GALC: variants seen among roughly 807,000 people sequenced by gnomAD.
GALC encodes the protein galactocerebrosidase.
A neutral mutation model predicts 91.8 loss-of-function variants in GALC; 77 were observed. That is an observed-to-expected ratio of 0.84 (90% CI 0.70 to 1.01). The LOEUF is 1.01. Ranked by LOEUF, GALC falls within the 50% of genes least tolerant of loss-of-function variation. The probability of loss-of-function intolerance (pLI) is 0.00; values close to 1 mark genes in which losing one functional copy is unlikely to be tolerated. For missense variants in GALC, 882 were observed against 855.9 expected (o/e 1.03, Z -0.38); for synonymous variants, 357 against 306.7 (o/e 1.16, Z -1.71).
At chr14:87,980,561 T>G in intron 6 of GALC, 2 of 841,592 alleles carry the variant, frequency 2.4e-6, no homozygotes, top group Non-Finnish European at 2.9e-6. Context: ...AAGTGGAGAG[T>G]TCCTATCCAT....
rs1292419181 is a variant in GALC, at chr14:87,992,722, A to G, written c.195+248T>C. ...CTGTCACTTTACTCTCTGCACCTAT[A>G]CTCTCTGGACCTCCGGATCCTCATT... On this transcript the variant is annotated intron_variant, in intron 1 of 16. Coordinates refer to ENST00000261304, the MANE Select transcript of GALC (RefSeq NM_000153.4). 3.1e-5 allele frequency: 44 copies of G among 1,423,958 alleles called. No individual in the cohort carries two copies. In the East Asian group the frequency reaches 7.6e-4, roughly 25 times the overall value. The allele number at this position is 1,423,958 out of a possible 1,614,324, so 88.2% of individuals were successfully genotyped here. A position where few individuals can be genotyped will look rare whatever the true frequency, so the allele number is the denominator to read the frequency against.
chr14:87,948,932 T>A (rs1220724142), intron 12 of GALC, among the ~76,000 whole-genome samples: 2 of 152,058 alleles, frequency 1.3e-5, no homozygotes, highest in Non-Finnish European at 2.9e-5. Flanking sequence ...TTGGGCCAAT[T>A]CGTTCTTTGA....
intron 7 of GALC, among the ~76,000 whole-genome samples, chr14:87,975,747 C>T (rs1370157019): frequency 1.3e-5 from 2 of 151,728 alleles, no homozygotes. Flanking sequence ...ACAAATTCTA[C>T]ACACATACAT....
At chr14:87,989,608 C>G (rs573799016) in intron 1 of GALC, 1 of 152,322 alleles carries the variant, frequency 6.6e-6, no homozygotes, top group Non-Finnish European at 1.5e-5. Context: ...CCTCAGTCAC[C>G]AAGATATCCT....
chr14:87,977,892 T>C (rs1161070156), intron 6 of GALC, among the ~76,000 whole-genome samples: 1 of 152,156 alleles, frequency 6.6e-6, no homozygotes, highest in African/African-American at 2.4e-5. Flanking sequence ...GCAGTCTAAG[T>C]TCATCTTTCA....
chr14:87,982,223 A>G lies in GALC; in HGVS notation c.603T>C (p.Tyr201=), dbSNP rs879731155. Residue 201 remains tyrosine (Y), a synonymous_variant, in exon 6 of 17, where the codon TAT becomes TAC. Transcript: ENST00000261304. The part of the protein sequence containing the change: ...DYIGIWNERS[Y]NANYIKILRK... The stretch of plus-strand genomic sequence containing the variant: ...TACACACCTTAATATAATTGGCATT[A>G]TATGACCTCTCATTCCAAATCTGCA... The G allele has an allele frequency of 6.3e-7, 1 of 1,582,482 alleles. No individual in the cohort carries two copies. Among genetic ancestry groups the G allele is most frequent in the Non-Finnish European group, 8.7e-7 (1 of 1,152,044 alleles).
At chr14:87,985,625 C>T (rs749058502) in intron 4 of GALC, among the ~76,000 whole-genome samples, 1 of 152,190 alleles carries the variant, frequency 6.6e-6, no homozygotes, top group Non-Finnish European at 1.5e-5. Context: ...GAAAATATTA[C>T]TTTTCATTAA....
intron 10 of GALC, among the ~76,000 whole-genome samples, chr14:87,961,723 A>T (rs1885814394): frequency 6.6e-6 from 1 of 152,210 alleles, no homozygotes; most frequent in African/African-American, 2.4e-5. Flanking sequence ...CTGGTGAAGA[A>T]GATGAGATGC....
At chr14:87,960,762 C>A (rs1238285570) in intron 10 of GALC, among the ~76,000 whole-genome samples, 1 of 152,074 alleles carries the variant, frequency 6.6e-6, no homozygotes, top group African/African-American at 2.4e-5. Context: ...GCAGGGACAA[C>A]TGGATATTAA....
intron 1 of GALC, among the ~76,000 whole-genome samples, chr14:87,990,482 T>C (rs1266506682): frequency 6.6e-6 from 1 of 152,214 alleles, no homozygotes; most frequent in Non-Finnish European, 1.5e-5. Context: ...AAGTGTTATA[T>C]ACACAAATTT....
At chr14:87,956,599 C>CACACCATATATATATAT (rs1566982347) in intron 10 of GALC, among the ~76,000 whole-genome samples, 5 of 116,706 alleles carry the variant, frequency 4.3e-5, no homozygotes, top group African/African-American at 1.0e-4. Context: ...TATATACACA[C>CACACCATATATATATAT]ACACACACAC....
At chr14:87,955,052 A>G (rs773101185) in intron 10 of GALC, 1 of 1,349,952 alleles carries the variant, frequency 7.4e-7, no homozygotes, top group Non-Finnish European at 1.1e-6. Flanking sequence ...GACCTGTTAC[A>G]CTCCTTGTCG....
intron 1 of GALC, chr14:87,992,359 A>C (rs977672009): frequency 2.0e-6 from 3 of 1,535,616 alleles, no homozygotes; most frequent in Admixed American, 3.9e-5. Flanking sequence ...CGGTAGTTTC[A>C]GGCCGCTCGC....
At chr14:87,968,003 A>T (rs1243273564) in intron 8 of GALC, among the ~76,000 whole-genome samples, 1 of 152,194 alleles carries the variant, frequency 6.6e-6, no homozygotes, top group East Asian at 1.9e-4. Context: ...GACACATGCT[A>T]AAATATTTAG....
intron 10 of GALC, 66 bp from the exon 11 acceptor site, chr14:87,950,814 C>A: frequency 3.1e-6 from 3 of 970,254 alleles, no homozygotes; most frequent in South Asian, 1.4e-5. Context: ...AAAAAAAGTT[C>A]AACAGTTAAT....
chr14:87,943,332 T>C (rs769244665), intron 14 of GALC, among the ~76,000 whole-genome samples: 99 of 152,150 alleles, frequency 6.5e-4, no homozygotes, highest in Middle Eastern at 3.4e-3. Context: ...GTACAATCTA[T>C]CCCATATAAT....
At chr14:87,990,635 C>G (rs964398525) in intron 1 of GALC, among the ~76,000 whole-genome samples, 1 of 152,214 alleles carries the variant, frequency 6.6e-6, no homozygotes, top group Non-Finnish European at 1.5e-5. Flanking sequence ...TACGCTACGC[C>G]ATTAATACTG....
chr14:87,980,139 T>A (rs578185810), intron 6 of GALC, among the ~76,000 whole-genome samples: 1 of 152,284 alleles, frequency 6.6e-6, no homozygotes, highest in East Asian at 1.9e-4. Context: ...TCCCAGCACT[T>A]TGGGAGGCCG....
At chr14:87,986,769 T>C (rs1034110294) in intron 3 of GALC, among the ~76,000 whole-genome samples, 167 bp from the exon 4 acceptor site, 1 of 150,998 alleles carries the variant, frequency 6.6e-6, no homozygotes, top group Non-Finnish European at 1.5e-5. Context: ...GGATGGATGA[T>C]AAAAGCATAT....
Sources: gnomAD v4.1 joint callset for allele counts (sites outside exome capture counted in the v4.1 genomes callset) on GRCh38, gnomAD v4.1.1 for gene constraint, MANE v1.5 for transcripts, NCBI Gene and HGNC (gene_info 2026-07-23, HGNC 2026-07-21) for gene names.